Variants in FBXL13 observed in about 807,000 individuals in gnomAD.
FBXL13 encodes the protein F-box and leucine-rich repeat protein 13.
In FBXL13, 67 loss-of-function variants were observed where a neutral mutation model predicts 83.6. That is an observed-to-expected ratio of 0.80 (90% CI 0.66 to 0.98). FBXL13 has a LOEUF of 0.98. Ranked by LOEUF, FBXL13 falls within the 50% of genes least tolerant of loss-of-function variation. The probability of loss-of-function intolerance (pLI) is 0.00; values close to 1 mark genes in which losing one functional copy is unlikely to be tolerated. For missense variants in FBXL13, 822 were observed against 866.5 expected (o/e 0.95, Z 0.64); for synonymous variants, 272 against 299.5 (o/e 0.91, Z 0.95).
In FBXL13 at chr7:102,926,384, A is replaced by G; in HGVS notation, c.778-10T>C. The stretch of plus-strand genomic sequence containing the variant: ...GTCTCATTGATTCATCCTGCATGAA[A>G]AACAGAGGGAAGAGGCTTATCAAAT... On this transcript the variant is annotated splice_polypyrimidine_tract_variant and intron_variant, in intron 9 of 19. Transcript: ENST00000313221. The G allele has an allele frequency of 6.2e-7, 1 of 1,605,578 alleles. No individual in the cohort carries two copies. Among genetic ancestry groups the G allele is most frequent in the Non-Finnish European group, 8.5e-7 (1 of 1,173,960 alleles).
chr7:102,822,788 C>T (rs181653428), intron 18 of FBXL13, among the ~76,000 whole-genome samples: 1 of 152,306 alleles, frequency 6.6e-6, no homozygotes, highest in East Asian at 1.9e-4. Context: ...AAATTATGAT[C>T]TTAGCAAGGC....
chr7:102,992,698 C>G (rs1050022150), intron 6 of FBXL13, among the ~76,000 whole-genome samples: 1 of 152,194 alleles, frequency 6.6e-6, no homozygotes, highest in African/African-American at 2.4e-5. Flanking sequence ...TCAACCTCTC[C>G]AGACTTAAGC....
At chr7:102,819,254 T>C (rs114468377) in intron 19 of FBXL13, among the ~76,000 whole-genome samples, 1,859 of 152,266 alleles carry the variant, frequency 0.012, 40 homozygotes, top group African/African-American at 0.042. Flanking sequence ...CAAATACAAA[T>C]AGCTTGTCGT....
intron 8 of FBXL13, among the ~76,000 whole-genome samples, chr7:102,956,617 T>C (rs1323695192): frequency 2.0e-5 from 3 of 152,188 alleles, no homozygotes; most frequent in African/African-American, 4.8e-5. Context: ...GATGACATGA[T>C]TGTACATTTA....
chr7:102,972,488 T>C (rs1010259203), intron 6 of FBXL13, among the ~76,000 whole-genome samples: 2 of 152,058 alleles, frequency 1.3e-5, no homozygotes, highest in Admixed American at 6.6e-5. Flanking sequence ...AGAAATAGAA[T>C]GTATATCATC....
chr7:103,047,117 C>T (rs954023779), intron 2 of FBXL13: 1 of 152,240 alleles, frequency 6.6e-6, no homozygotes, highest in Middle Eastern at 3.4e-3. Context: ...GTTTAAATGA[C>T]CCATCGGATA....
intron 17 of FBXL13, among the ~76,000 whole-genome samples, chr7:102,853,609 G>A (rs1253520335): frequency 1.3e-5 from 2 of 152,114 alleles, no homozygotes; most frequent in East Asian, 1.9e-4. Context: ...GAAAATTTTT[G>A]CAACCTACTC....
chr7:103,057,498 A>T (rs183966708), intron 1 of FBXL13, among the ~76,000 whole-genome samples: 355 of 152,262 alleles, frequency 2.3e-3, no homozygotes, highest in Non-Finnish European at 3.0e-3. Context: ...CATAAAAGAG[A>T]TTGAGAAAAT....
chr7:102,956,120 T>C (rs1824232560), intron 8 of FBXL13, among the ~76,000 whole-genome samples: 1 of 152,144 alleles, frequency 6.6e-6, no homozygotes, highest in African/African-American at 2.4e-5. Flanking sequence ...TGAATATCGA[T>C]GCAAAAATCC....
chr7:102,953,599 T>C (rs760499879), intron 8 of FBXL13, among the ~76,000 whole-genome samples: 48 of 152,160 alleles, frequency 3.2e-4, no homozygotes, highest in Non-Finnish European at 4.9e-4. Flanking sequence ...TAGAATTAAA[T>C]AGTGCTGGTT....
chr7:102,869,221 T>A (rs1267068026), intron 16 of FBXL13, among the ~76,000 whole-genome samples: 1 of 152,250 alleles, frequency 6.6e-6, no homozygotes, highest in Non-Finnish European at 1.5e-5. Context: ...TGCAGTTCCC[T>A]GGTGTTAATG....
At chr7:103,013,674 A>G (rs974191172) in intron 6 of FBXL13, among the ~76,000 whole-genome samples, 2 of 152,198 alleles carry the variant, frequency 1.3e-5, no homozygotes, top group Admixed American at 1.3e-4. Context: ...CACCCACATC[A>G]AAAAGTTAGA....
intron 16 of FBXL13, among the ~76,000 whole-genome samples, chr7:102,865,256 C>T (rs1807456365): frequency 6.6e-6 from 1 of 152,230 alleles, no homozygotes; most frequent in South Asian, 2.1e-4. Context: ...TTACATTTCA[C>T]ATGCTTCTTT....
At chr7:102,912,325 T>C (rs1460292007) in intron 11 of FBXL13, among the ~76,000 whole-genome samples, 2 of 152,214 alleles carry the variant, frequency 1.3e-5, no homozygotes, top group Non-Finnish European at 2.9e-5. Flanking sequence ...TTCTCACCTA[T>C]GCTATTATTC....
At chr7:102,849,210 C>G (rs1804734235) in intron 17 of FBXL13, among the ~76,000 whole-genome samples, 1 of 152,190 alleles carries the variant, frequency 6.6e-6, no homozygotes, top group Non-Finnish European at 1.5e-5. Context: ...CTGCATCAAA[C>G]ATCTTCTCCA....
At chr7:103,063,076 T>C (rs1308926431) in intron 1 of FBXL13, among the ~76,000 whole-genome samples, 1 of 152,198 alleles carries the variant, frequency 6.6e-6, no homozygotes. Flanking sequence ...AGTCTTTAAG[T>C]TGGACATGTG....
chr7:102,837,398 A>G (rs1216655324), intron 17 of FBXL13, among the ~76,000 whole-genome samples: 1 of 152,248 alleles, frequency 6.6e-6, no homozygotes, highest in Non-Finnish European at 1.5e-5. Flanking sequence ...GCCAAGGACC[A>G]AAACAAATAT....
chr7:102,884,097 TA>T, intron 12 of FBXL13, 116 bp downstream of exon 13: 3 of 739,216 alleles, frequency 4.1e-6, no homozygotes, highest in Non-Finnish European at 6.8e-6. Context: ...ATGATTTTAT[TA>T]CTATTTTAAA....
chr7:103,015,307 A>G (rs1359276404), intron 6 of FBXL13, among the ~76,000 whole-genome samples: 1 of 152,082 alleles, frequency 6.6e-6, no homozygotes, highest in East Asian at 1.9e-4. Flanking sequence ...CTCTCTCATC[A>G]CTCCTATTCA....
Sources: gnomAD v4.1 joint callset for allele counts (sites outside exome capture counted in the v4.1 genomes callset) on GRCh38, gnomAD v4.1.1 for gene constraint, MANE v1.5 for transcripts, NCBI Gene and HGNC (gene_info 2026-07-23, HGNC 2026-07-21) for gene names.